Variants in NEK10 observed in about 807,000 individuals in gnomAD.
NEK10 encodes the protein serine/threonine-protein kinase Nek10.
A neutral mutation model predicts 159.8 loss-of-function variants in NEK10; 122 were observed. The ratio of observed to expected loss-of-function variants is 0.76; its 90% CI spans 0.66 to 0.89. The LOEUF is 0.89. NEK10 is among the 40% of genes least tolerant of loss of function. NEK10 has a pLI of 0.00. For synonymous variants in NEK10, 466 were observed against 457.1 expected (o/e 1.02, Z -0.25); for missense variants, 1,342 against 1,323.1 (o/e 1.01, Z -0.22).
intron 22 of NEK10, among the ~76,000 whole-genome samples, chr3:27,281,307 A>G (rs1399557639): frequency 6.6e-6 from 1 of 152,144 alleles, no homozygotes; most frequent in African/African-American, 2.4e-5. Context: ...AAAACTTCCC[A>G]GGACTTAAAT....
intron 32 of NEK10, among the ~76,000 whole-genome samples, chr3:27,123,683 A>T (rs1522151): frequency 6.6e-6 from 1 of 151,854 alleles, no homozygotes; most frequent in Non-Finnish European, 1.5e-5. Flanking sequence ...TTCTAAATGC[A>T]TTGAAAGACA....
At chr3:27,148,082 T>C (rs1944481149) in intron 30 of NEK10, among the ~76,000 whole-genome samples, 1 of 152,172 alleles carries the variant, frequency 6.6e-6, no homozygotes, top group South Asian at 2.1e-4. Flanking sequence ...CCCAAATAAA[T>C]TATTGAATCC....
chr3:27,127,574 A>G (rs991700133), intron 32 of NEK10, among the ~76,000 whole-genome samples: 3 of 152,158 alleles, frequency 2.0e-5, no homozygotes, highest in East Asian at 3.9e-4. Context: ...ATGTATCTAA[A>G]CATATTTGAA....
At chr3:27,284,791 C>G (rs772123017) in intron 21 of NEK10, 49 bp downstream of exon 21, 1 of 1,552,448 alleles carries the variant, frequency 6.4e-7, no homozygotes, top group Admixed American at 1.7e-5. Context: ...AAGAAGCCAG[C>G]TCAGAACATT....
intron 32 of NEK10, among the ~76,000 whole-genome samples, chr3:27,125,838 C>A (rs752743033): frequency 3.9e-5 from 6 of 152,100 alleles, no homozygotes; most frequent in Non-Finnish European, 8.8e-5. Flanking sequence ...CAGAAAATCC[C>A]TAAACTAAAA....
intron 1 of NEK10, among the ~76,000 whole-genome samples, chr3:27,363,363 G>A (rs1229181132): frequency 2.0e-5 from 3 of 152,174 alleles, no homozygotes; most frequent in Non-Finnish European, 4.4e-5. Context: ...AGCATATGGA[G>A]GACAGCTTTT....
In NEK10 at chr3:27,165,613, G is replaced by GA. The variant is rs1224582183; in HGVS notation, c.2832-2876dup. The stretch of plus-strand genomic sequence containing the variant: ...ACTTCAGGCCAATGGAAGAATTTCA[G>GA]AAAAATAGAAGGCTGAAAGAATTCT... On this transcript the variant is annotated intron_variant, in intron 29 of 35. Coordinates refer to ENST00000691995, the MANE Select transcript of NEK10 (RefSeq NM_001394966.1). Among the ~76,000 whole-genome samples, 10 of 152,282 alleles carry GA rather than the reference G, an allele frequency of 6.6e-5. No homozygotes were observed. In the South Asian group the frequency reaches 1.5e-3, roughly 22 times the overall value.
At chr3:27,303,041 G>C (rs925912239) in intron 12 of NEK10, among the ~76,000 whole-genome samples, 1 of 152,176 alleles carries the variant, frequency 6.6e-6, no homozygotes, top group Non-Finnish European at 1.5e-5. Flanking sequence ...CCTAATGCCA[G>C]CTGCAGTCAG....
chr3:27,188,976 C>T (rs1030736823), intron 26 of NEK10, among the ~76,000 whole-genome samples: 7 of 152,084 alleles, frequency 4.6e-5, no homozygotes, highest in African/African-American at 9.7e-5. Flanking sequence ...ACATGGATAA[C>T]GATTTTCACT....
At chr3:27,129,474 A>G (rs1479023964) in intron 32 of NEK10, among the ~76,000 whole-genome samples, 1 of 152,134 alleles carries the variant, frequency 6.6e-6, no homozygotes, top group Admixed American at 6.6e-5. Flanking sequence ...CAGGGAATGA[A>G]AAATCCATTT....
intron 30 of NEK10, among the ~76,000 whole-genome samples, chr3:27,147,698 A>G (rs906173772): frequency 1.3e-5 from 2 of 152,224 alleles, no homozygotes; most frequent in African/African-American, 2.4e-5. Context: ...AGGAGCAGAC[A>G]GTTTACAGGC....
intron 22 of NEK10, among the ~76,000 whole-genome samples, chr3:27,276,635 A>G (rs139503122): frequency 6.6e-6 from 1 of 152,254 alleles, no homozygotes; most frequent in East Asian, 1.9e-4. Flanking sequence ...CATGTCCAAA[A>G]CCTTACACCT....
chr3:27,343,512 G>A (rs912085004), intron 5 of NEK10, among the ~76,000 whole-genome samples: 8 of 152,140 alleles, frequency 5.3e-5, no homozygotes, highest in Non-Finnish European at 1.2e-4. Context: ...GTTCTTTATA[G>A]GCATTTTTCA....
chr3:27,353,172 T>C (rs1233503898), intron 1 of NEK10, among the ~76,000 whole-genome samples: 1 of 152,160 alleles, frequency 6.6e-6, no homozygotes, highest in Non-Finnish European at 1.5e-5. Context: ...CAAAGAACAA[T>C]TGGTTTGCTT....
intron 23 of NEK10, among the ~76,000 whole-genome samples, chr3:27,208,274 T>C (rs766323297): frequency 2.0e-5 from 3 of 152,178 alleles, no homozygotes; most frequent in African/African-American, 7.2e-5. Context: ...TTCAGATATA[T>C]GGTGAGATAA....
chr3:27,163,636 G>A (rs2148822662), intron 29 of NEK10, among the ~76,000 whole-genome samples: 2 of 152,250 alleles, frequency 1.3e-5, no homozygotes, highest in Middle Eastern at 6.8e-3. Flanking sequence ...ACAGGTGTGA[G>A]CCACCACGCC....
intron 25 of NEK10, chr3:27,194,197 C>T (rs1949373667): frequency 6.7e-6 from 1 of 150,120 alleles, no homozygotes; most frequent in Non-Finnish European, 1.5e-5. Context: ...GCAGTCTCGG[C>T]TAACTGCAAG....
At chr3:27,209,014 C>G (rs1461529736) in intron 23 of NEK10, among the ~76,000 whole-genome samples, 2 of 152,198 alleles carry the variant, frequency 1.3e-5, no homozygotes, top group African/African-American at 2.4e-5. Context: ...GAATAATATA[C>G]TATGCCACTA....
chr3:27,247,996 G>A (rs1349912253), intron 23 of NEK10, among the ~76,000 whole-genome samples: 6 of 151,618 alleles, frequency 4.0e-5, no homozygotes, highest in African/African-American at 1.5e-4. Context: ...GAAGCCATTG[G>A]GTCTCAGGTT....
Sources: allele counts gnomAD v4.1 joint callset (sites outside exome capture counted in the v4.1 genomes callset), GRCh38; gene constraint gnomAD v4.1.1; transcripts MANE v1.5; gene names NCBI Gene and HGNC (gene_info 2026-07-23, HGNC 2026-07-21).